The following TNFSF4 variants were observed in gnomAD, a reference collection of about 807,000 sequenced individuals.
The protein encoded by TNFSF4 is tumor necrosis factor ligand superfamily member 4.
TNFSF4 carries 4 observed loss-of-function variants against 7.3 expected under a neutral mutation model. That is an observed-to-expected ratio of 0.55 (90% CI 0.27 to 1.25). TNFSF4 has a LOEUF of 1.25. TNFSF4 is among the 50% of genes most tolerant of loss of function. The pLI, the probability that TNFSF4 is intolerant of heterozygous loss-of-function variation, is 0.12. For missense variants in TNFSF4, 181 were observed against 208.8 expected, an observed-to-expected ratio of 0.87 and a Z score of 0.82; for synonymous variants, 76 against 83.7, an observed-to-expected ratio of 0.91 and a Z score of 0.50.
chr1:173,283,761 A>G, the TNFSF4 span, among the ~76,000 whole-genome samples: 2 of 152,142 alleles, frequency 1.3e-5, no homozygotes, highest in African/African-American at 4.8e-5. Context: ...TGGTAAACAT[A>G]TAGGTAAATC....
the TNFSF4 span, among the ~76,000 whole-genome samples, chr1:173,263,383 C>T: frequency 6.6e-6 from 1 of 152,162 alleles, no homozygotes; most frequent in Admixed American, 6.5e-5. Context: ...TTACTCAATT[C>T]AATTTACTCA....
At chr1:173,424,626 G>A in the TNFSF4 span, among the ~76,000 whole-genome samples, 1 of 152,206 alleles carries the variant, frequency 6.6e-6, no homozygotes, top group Non-Finnish European at 1.5e-5. Flanking sequence ...ATTCTAGGCA[G>A]AGGGAACCAC....
chr1:173,318,645 C>T, the TNFSF4 span, among the ~76,000 whole-genome samples: 3 of 152,062 alleles, frequency 2.0e-5, no homozygotes, highest in Admixed American at 2.0e-4. Context: ...AATGGGAATA[C>T]CTAGTTCTGG....
the TNFSF4 span, among the ~76,000 whole-genome samples, chr1:173,281,780 A>G: frequency 6.6e-6 from 1 of 152,178 alleles, no homozygotes; most frequent in Non-Finnish European, 1.5e-5. Context: ...GACATTTGCT[A>G]AATGCTTTAA....
chr1:173,288,000 G>A, the TNFSF4 span, among the ~76,000 whole-genome samples: 3 of 152,094 alleles, frequency 2.0e-5, no homozygotes, highest in Non-Finnish European at 2.9e-5. Context: ...AAAATTCTTT[G>A]AACTAGACAT....
chr1:173,177,885 A>G, the TNFSF4 span, among the ~76,000 whole-genome samples: 1 of 152,322 alleles, frequency 6.6e-6, no homozygotes, highest in East Asian at 1.9e-4. Flanking sequence ...TATTCTTCCT[A>G]GTGACATTAA....
the TNFSF4 span, among the ~76,000 whole-genome samples, chr1:173,309,566 T>C: frequency 6.6e-6 from 1 of 151,942 alleles, no homozygotes; most frequent in Admixed American, 6.6e-5. Flanking sequence ...ATCCCTTTTA[T>C]ATATTGCTGA....
At chr1:173,274,153 A>T in the TNFSF4 span, among the ~76,000 whole-genome samples, 1 of 151,062 alleles carries the variant, frequency 6.6e-6, no homozygotes, top group Non-Finnish European at 1.5e-5. Context: ...ACACACACAC[A>T]CTCTGTATAT....
the TNFSF4 span, among the ~76,000 whole-genome samples, chr1:173,355,784 C>T: frequency 6.6e-6 from 1 of 152,244 alleles, no homozygotes; most frequent in East Asian, 1.9e-4. Context: ...CAGATGAGGT[C>T]CCACTGCCAT....
the TNFSF4 span, among the ~76,000 whole-genome samples, chr1:173,323,696 C>G: frequency 2.2e-4 from 33 of 152,052 alleles, 1 homozygote; most frequent in East Asian, 6.2e-3. Context: ...AACCATGGCA[C>G]GAGAACTACA....
chr1:173,210,483 A>G (rs1266138854), upstream of TNFSF4, among the ~76,000 whole-genome samples: 2 of 152,164 alleles, frequency 1.3e-5, no homozygotes, highest in African/African-American at 4.8e-5. Context: ...TCAGGGAACT[A>G]CAGCTGAAGA....
the TNFSF4 span, among the ~76,000 whole-genome samples, chr1:173,223,762 A>G: frequency 1.3e-5 from 2 of 152,184 alleles, no homozygotes; most frequent in African/African-American, 4.8e-5. Flanking sequence ...GTTTTGTACA[A>G]TTCAAACGAG....
At chr1:173,219,800 GA>G in the TNFSF4 span, among the ~76,000 whole-genome samples, 2 of 152,118 alleles carry the variant, frequency 1.3e-5, no homozygotes, top group Admixed American at 1.3e-4. Flanking sequence ...CCCAGGAATG[GA>G]AAACCAAACA....
the TNFSF4 span, among the ~76,000 whole-genome samples, chr1:173,302,718 T>C: frequency 6.7e-6 from 1 of 149,538 alleles, no homozygotes. Flanking sequence ...AATCACTTAA[T>C]CATTTTTAAA....
At chr1:173,178,302 G>A in the TNFSF4 span, among the ~76,000 whole-genome samples, 9 of 152,162 alleles carry the variant, frequency 5.9e-5, no homozygotes, top group East Asian at 1.9e-4. Context: ...CAGGTCAGGC[G>A]CGGTGGCTCA....
At chr1:173,405,817 T>G in the TNFSF4 span, among the ~76,000 whole-genome samples, 2 of 152,244 alleles carry the variant, frequency 1.3e-5, no homozygotes, top group Non-Finnish European at 2.9e-5. Flanking sequence ...ATTTCCAGCA[T>G]GAGCATTGGA....
At chr1:173,265,746 T>C in the TNFSF4 span, among the ~76,000 whole-genome samples, 2 of 152,152 alleles carry the variant, frequency 1.3e-5, no homozygotes, top group African/African-American at 4.8e-5. Flanking sequence ...TCATTTCAAT[T>C]CGACTGGGAA....
At chr1:173,220,879 T>C in the TNFSF4 span, among the ~76,000 whole-genome samples, 1 of 152,136 alleles carries the variant, frequency 6.6e-6, no homozygotes, top group Admixed American at 6.5e-5. Flanking sequence ...GGTTAAATGC[T>C]GTGACCCACA....
chr1:173,394,095 A>C, the TNFSF4 span, among the ~76,000 whole-genome samples: 5 of 152,168 alleles, frequency 3.3e-5, no homozygotes, highest in East Asian at 1.9e-4. Context: ...CAAGCAAAAA[A>C]TTTAAATCCA....
Sources: gnomAD v4.1 joint callset for allele counts (sites outside exome capture counted in the v4.1 genomes callset) on GRCh38, gnomAD v4.1.1 for gene constraint, MANE v1.5 for transcripts, NCBI Gene and HGNC (gene_info 2026-07-23, HGNC 2026-07-21) for gene names.